The following JPH2 variants were observed in gnomAD, a reference collection of about 807,000 sequenced individuals.
JPH2 encodes junctophilin-2.
A neutral mutation model predicts 55.9 loss-of-function variants in JPH2; 38 were observed. The observed-to-expected ratio is 0.68, with a 90% CI of 0.52 to 0.89. The LOEUF is 0.89. Ranked by LOEUF, JPH2 falls within the 40% of genes least tolerant of loss-of-function variation. The pLI is 0.00. For missense variants in JPH2, 964 were observed against 1,037.6 expected (o/e 0.93, Z 0.97); for synonymous variants, 480 against 472.4 (o/e 1.02, Z -0.21).
Position 44,160,104 on chromosome 20 carries a change from C to T in JPH2, c.683G>A (p.Gly228Asp). 6.6e-7 allele frequency: 1 copy of T among 1,524,982 alleles called. No homozygotes were observed. The highest frequency in any genetic ancestry group is 8.8e-7 in the Non-Finnish European group (1 of 1,141,282). The allele number at this position is 1,524,982 out of a possible 1,614,324, so 94.5% of individuals were successfully genotyped here. A position where few individuals can be genotyped will look rare whatever the true frequency, so the allele number is the denominator to read the frequency against. Reference sequence around the variant, plus strand: ...GCGCGACTCTGCGCGCCGCAGCTTGCCCAGCAGCGCGCCCCGCTGGAAGAG... The same window carrying T: ...GCGCGACTCTGCGCGCCGCAGCTTGTCCAGCAGCGCGCCCCGCTGGAAGAG... ...GGLFQRGALLGKLRRAESRTS... is the reference protein window; with the variant it reads ...GGLFQRGALLDKLRRAESRTS... The change falls in exon 2 of 6, where the codon GGC becomes GAC. Residue 228 changes from glycine (G) to aspartate (D), a missense_variant. Coordinates refer to ENST00000372980, the MANE Select transcript of JPH2 (RefSeq NM_020433.5). This position sits in a 1 kb window ranked among gnomAD's most constrained non-coding sequence, Gnocchi z 4.9.
chr20:44,160,356 C>A lies in JPH2; in HGVS notation c.431G>T (p.Arg144Leu). 2 of 1,599,366 alleles carry A rather than the reference C, an allele frequency of 1.3e-6. No homozygotes were observed. The highest frequency in any genetic ancestry group is 1.7e-6 in the Non-Finnish European group (2 of 1,173,784). The change falls in exon 2 of 6, where the codon CGC becomes CTC. Residue 144 changes from arginine (R) to leucine (L), a missense_variant. Coordinates refer to ENST00000372980, the MANE Select transcript of JPH2 (RefSeq NM_020433.5). This position sits in a 1 kb window ranked among gnomAD's most constrained non-coding sequence, Gnocchi z 4.9. The part of the protein sequence containing the change: ...TNGMRHGYGV[R>L]QSVPYGMAVV... Reference sequence around the variant, plus strand: ...GGCCATCCCGTAGGGCACGCTCTGGCGTACTCCGTAGCCATGGCGCATGCC... The same window carrying A: ...GGCCATCCCGTAGGGCACGCTCTGGAGTACTCCGTAGCCATGGCGCATGCC...
chr20:44,145,699 T>G (rs904289294), intron 2 of JPH2, among the ~76,000 whole-genome samples: 1 of 152,120 alleles, frequency 6.6e-6, no homozygotes, highest in African/African-American at 2.4e-5. Flanking sequence ...CCTTTCCACT[T>G]TGTGGAGTTC....
Position 44,116,328 on chromosome 20 carries a change from C to A in JPH2, c.1347G>T (p.Leu449=). ...LQEILENSES[L]LEPPDRGAGA... ...CGGCGCCCCGGTCGGGGGGCTCCAG[C>A]AGGCTCTCCGAGTTCTCCAGGATCT... Residue 449 remains leucine (L), a synonymous_variant, in exon 4 of 6, where the codon CTG becomes CTT. Transcript: ENST00000372980. The A allele has an allele frequency of 1.9e-6, 3 of 1,545,602 alleles. No homozygotes were observed. The South Asian group carries it at 3.6e-5, about 18-fold the overall frequency.
At chr20:44,132,355 G>GACACACACACAC (rs749014190) in intron 2 of JPH2, among the ~76,000 whole-genome samples, 25 of 101,288 alleles carry the variant, frequency 2.5e-4, no homozygotes, top group Non-Finnish European at 3.8e-4. Context: ...CAGACAGACA[G>GACACACACACAC]ACACACACAC....
chr20:44,160,366 AG>A lies in JPH2; in HGVS notation c.420del (p.Tyr141ThrfsTer165). 1 of 1,605,750 alleles carries A rather than the reference AG, an allele frequency of 6.2e-7. No homozygotes were observed. ...QGQFTNGMRHGYGVRQSVPYG... is the reference protein window; with the variant it reads ...QGQFTNGMRHXYGVRQSVPYG... ...TAGGGCACGCTCTGGCGTACTCCGT[AG>A]CCATGGCGCATGCCGTTGGTGAACT... On this transcript the variant is annotated frameshift_variant, in exon 2 of 6. Coordinates refer to ENST00000372980, the MANE Select transcript of JPH2 (RefSeq NM_020433.5). LOFTEE classifies it high-confidence loss of function. The surrounding 1 kb of genome is among the most constrained non-coding windows in gnomAD (Gnocchi z 4.9).
At chr20:44,157,446 C>A (rs1016125368) in intron 2 of JPH2, among the ~76,000 whole-genome samples, 20 of 152,172 alleles carry the variant, frequency 1.3e-4, no homozygotes, top group African/African-American at 4.1e-4. Flanking sequence ...ATGTCTCCCA[C>A]CGCCCAGTCC....
chr20:44,173,765 T>A (rs1383618725), intron 1 of JPH2, among the ~76,000 whole-genome samples: 1 of 152,060 alleles, frequency 6.6e-6, no homozygotes. Context: ...AACACAAAAA[T>A]TAGCCTGGCG....
At chr20:44,148,088 G>A (rs1358183229) in intron 2 of JPH2, among the ~76,000 whole-genome samples, 1 of 152,092 alleles carries the variant, frequency 6.6e-6, no homozygotes, top group East Asian at 1.9e-4. Flanking sequence ...GCTTGGGCCC[G>A]GGAGGCAGAG....
Position 44,116,008 on chromosome 20 carries a change from C to T in JPH2, c.1667G>A (p.Arg556Gln), listed in dbSNP as rs780999986. The part of the protein sequence containing the change: ...EALQAPPAPS[R>Q]EPEVALYQGY... Reference sequence around the variant, plus strand: ...CTGGTAAAGCGCCACCTCCGGCTCCCGCGACGGCGCAGGCGGTGCCTGCAG... The same window carrying T: ...CTGGTAAAGCGCCACCTCCGGCTCCTGCGACGGCGCAGGCGGTGCCTGCAG... Residue 556 changes from arginine to glutamine, a missense_variant, in exon 4 of 6, where the codon CGG becomes CAG. Transcript: ENST00000372980. The T allele has an allele frequency of 3.2e-6, 5 of 1,580,696 alleles. No homozygotes were observed. Among genetic ancestry groups the T allele is most frequent in the South Asian group, 1.1e-5 (1 of 88,784 alleles).
Position 44,116,013 on chromosome 20 carries a change from C to T in JPH2, c.1662G>A (p.Pro554=), listed in dbSNP as rs748323930. ...AIEALQAPPA[P]SREPEVALYQ... Reference sequence around the variant, plus strand: ...AAAGCGCCACCTCCGGCTCCCGCGACGGCGCAGGCGGTGCCTGCAGAGCCT... The same window carrying T: ...AAAGCGCCACCTCCGGCTCCCGCGATGGCGCAGGCGGTGCCTGCAGAGCCT... The change falls in exon 4 of 6, where the codon CCG becomes CCA. Residue 554 remains proline, a synonymous_variant. Transcript: ENST00000372980. 3.0e-5 allele frequency: 48 copies of T among 1,580,858 alleles called. 1 individual carries two copies. In the South Asian group the frequency reaches 4.7e-4, roughly 16 times the overall value.
chr20:44,142,631 T>A (rs181344802), intron 2 of JPH2, among the ~76,000 whole-genome samples: 42 of 152,298 alleles, frequency 2.8e-4, no homozygotes, highest in African/African-American at 8.7e-4. Flanking sequence ...CCTGACCACA[T>A]ATTTTGAAAG....
At chr20:44,144,323 C>T (rs991989138) in intron 2 of JPH2, among the ~76,000 whole-genome samples, 10 of 152,084 alleles carry the variant, frequency 6.6e-5, no homozygotes, top group African/African-American at 1.2e-4. Flanking sequence ...CGGGTAAGAA[C>T]GATGATGAAA....
At chr20:44,148,437 G>T (rs2072507608) in intron 2 of JPH2, among the ~76,000 whole-genome samples, 1 of 152,080 alleles carries the variant, frequency 6.6e-6, no homozygotes, top group Non-Finnish European at 1.5e-5. Context: ...TGCTCTACGT[G>T]CCTGCCTCTG....
chr20:44,160,275 C>T lies in JPH2; in HGVS notation c.512G>A (p.Ser171Asn). Residue 171 changes from serine (S) to asparagine (N), a missense_variant, in exon 2 of 6, where the codon AGC becomes AAC. Transcript: ENST00000372980. This position sits in a 1 kb window ranked among gnomAD's most constrained non-coding sequence, Gnocchi z 4.9. ...TSLSSLRSEH[S>N]NGTVAPDSPA... ...AGAGTCCGGGGCCACCGTGCCGTTG[C>T]TGTGCTCGCTGCGCAGGGACGACAG... The T allele has an allele frequency of 6.5e-7, 1 of 1,535,456 alleles. No individual in the cohort carries two copies. Among genetic ancestry groups the T allele is most frequent in the Non-Finnish European group, 8.7e-7 (1 of 1,143,784 alleles).
At chr20:44,124,371 C>T (rs2072261375) in intron 2 of JPH2, among the ~76,000 whole-genome samples, 1 of 152,184 alleles carries the variant, frequency 6.6e-6, no homozygotes. Context: ...GCTCTCTCCC[C>T]TCCTGCCGCG....
intron 1 of JPH2, among the ~76,000 whole-genome samples, chr20:44,162,302 A>G (rs1182101066): frequency 6.6e-6 from 1 of 151,856 alleles, no homozygotes; most frequent in African/African-American, 2.4e-5. Flanking sequence ...TCTTCCTGGA[A>G]CTCTTTTCCT....
At position 44,108,231 on chromosome 20, in the gene JPH2, C is replaced by T. The variant is rs191469494; in HGVS notation, c.*5287G>A. Among the ~76,000 whole-genome samples, 18 of 152,280 alleles carry T rather than the reference C, an allele frequency of 1.2e-4. No individual in the cohort carries two copies. The highest frequency in any genetic ancestry group is 5.8e-4 in the East Asian group (3 of 5,186). Reference sequence around the variant, plus strand: ...GGCAAGGTAACAGATACCGAGGACACGGGTGTTTAGCATTTGGAACCCTCC... The same window carrying T: ...GGCAAGGTAACAGATACCGAGGACATGGGTGTTTAGCATTTGGAACCCTCC... On this transcript the variant is annotated 3_prime_UTR_variant, in exon 6 of 6. Transcript: ENST00000372980.
intron 2 of JPH2, among the ~76,000 whole-genome samples, chr20:44,158,764 T>C (rs753374953): frequency 5.7e-4 from 86 of 152,090 alleles, no homozygotes; most frequent in Non-Finnish European, 1.1e-3. Context: ...GCTGGCTGGG[T>C]AGCTGGATGA....
intron 2 of JPH2, among the ~76,000 whole-genome samples, chr20:44,149,096 TAAAAAA>T (rs112752255): frequency 7.1e-6 from 1 of 141,736 alleles, no homozygotes; most frequent in African/African-American, 2.6e-5. Flanking sequence ...CTCCTCCAAT[TAAAAAA>T]AAAAAAGAAC....
Sources: gnomAD v4.1 joint callset for allele counts (sites outside exome capture counted in the v4.1 genomes callset) on GRCh38, gnomAD v4.1.1 for gene constraint, Gnocchi (gnomAD v3.1) non-coding constraint, MANE v1.5 for transcripts, NCBI Gene and HGNC (gene_info 2026-07-23, HGNC 2026-07-21) for gene names.